Variants in MARCHF1 observed in about 807,000 individuals in gnomAD.
The protein encoded by MARCHF1 is E3 ubiquitin-protein ligase MARCHF1.
Under a neutral mutation model 54.2 loss-of-function variants are expected in MARCHF1, and 40 were observed. The observed-to-expected ratio is 0.74, with a 90% confidence interval of 0.57 to 0.96. MARCHF1 has a LOEUF of 0.96. Among genes scored for constraint, MARCHF1 ranks in the 40% least tolerant of loss-of-function variants. The pLI is 0.00. For missense variants in MARCHF1, 586 were observed against 656.5 expected, an observed-to-expected ratio of 0.89 and a Z score of 1.17; for synonymous variants, 236 against 236.3, an observed-to-expected ratio of 1.00 and a Z score of 0.01.
intron 3 of MARCHF1, among the ~76,000 whole-genome samples, chr4:163,869,913 T>G (rs1027986863): frequency 6.6e-6 from 1 of 152,110 alleles, no homozygotes; most frequent in Non-Finnish European, 1.5e-5. Context: ...TGAGTCAACA[T>G]GTGAGTGGAT....
At chr4:164,099,766 TTC>T (rs1755498195) in intron 2 of MARCHF1, among the ~76,000 whole-genome samples, 2 of 152,202 alleles carry the variant, frequency 1.3e-5, no homozygotes, top group Admixed American at 1.3e-4. Flanking sequence ...GTTAATATTG[TTC>T]TCTGAGGTCA....
At chr4:163,751,796 A>C (rs34162806) in intron 4 of MARCHF1, among the ~76,000 whole-genome samples, 47,622 of 146,482 alleles carry the variant, frequency 0.33, 9,080 homozygotes, top group Non-Finnish European at 0.44. Flanking sequence ...ATCCCAACAC[A>C]CATGTGCACG....
intron 5 of MARCHF1, among the ~76,000 whole-genome samples, chr4:163,662,798 GA>G (rs999240953): frequency 4.2e-4 from 62 of 146,270 alleles, no homozygotes; most frequent in East Asian, 4.2e-3. Context: ...AGTTCACTGA[GA>G]AAAAAAAAAA....
At chr4:163,797,832 C>A (rs974401646) in intron 4 of MARCHF1, among the ~76,000 whole-genome samples, 3 of 152,146 alleles carry the variant, frequency 2.0e-5, no homozygotes, top group African/African-American at 7.2e-5. Flanking sequence ...ATAATTTCAA[C>A]ATTAAGTATT....
intron 1 of MARCHF1, among the ~76,000 whole-genome samples, chr4:164,309,000 C>T (rs1432100036): frequency 2.0e-5 from 3 of 150,394 alleles, no homozygotes; most frequent in Non-Finnish European, 4.4e-5. Flanking sequence ...GAGGATATAG[C>T]TCAGGGTTAC....
chr4:163,782,905 G>T (rs551599819), intron 4 of MARCHF1, among the ~76,000 whole-genome samples: 1 of 152,114 alleles, frequency 6.6e-6, no homozygotes, highest in South Asian at 2.1e-4. Context: ...GAAATGAGGT[G>T]CAGAGTAGAT....
intron 3 of MARCHF1, among the ~76,000 whole-genome samples, chr4:163,895,645 A>G (rs1240006518): frequency 6.6e-6 from 1 of 152,134 alleles, no homozygotes; most frequent in South Asian, 2.1e-4. Flanking sequence ...TGCACCACAA[A>G]CTTAGCGAGG....
intron 1 of MARCHF1, among the ~76,000 whole-genome samples, chr4:164,274,642 G>A (rs1248349333): frequency 7.9e-6 from 1 of 126,258 alleles, no homozygotes; most frequent in East Asian, 2.3e-4. Flanking sequence ...GTCGCTTGAT[G>A]TGTGCTTCAG....
chr4:163,761,427 C>G (rs935263615), intron 4 of MARCHF1, among the ~76,000 whole-genome samples: 3 of 152,302 alleles, frequency 2.0e-5, no homozygotes, highest in African/African-American at 7.2e-5. Context: ...TATCTGTGAC[C>G]TTGAAGGCAT....
chr4:164,348,666 A>G (rs1412565473), intron 1 of MARCHF1, among the ~76,000 whole-genome samples: 2 of 152,214 alleles, frequency 1.3e-5, no homozygotes. Flanking sequence ...AACTATGGAC[A>G]GAGAATGAAT....
intron 3 of MARCHF1, among the ~76,000 whole-genome samples, chr4:163,921,533 A>G (rs1481978095): frequency 6.6e-6 from 1 of 152,202 alleles, no homozygotes; most frequent in Non-Finnish European, 1.5e-5. Context: ...CAAAACTTGA[A>G]GAGAGTACAG....
intron 8 of MARCHF1, among the ~76,000 whole-genome samples, chr4:163,553,680 T>C (rs1739191256): frequency 6.6e-6 from 1 of 152,206 alleles, no homozygotes; most frequent in Non-Finnish European, 1.5e-5. Context: ...TTCAAAATGG[T>C]ATCTTAAGGT....
chr4:164,262,077 C>T (rs1244661308), intron 1 of MARCHF1, among the ~76,000 whole-genome samples: 2 of 149,132 alleles, frequency 1.3e-5, no homozygotes, highest in Non-Finnish European at 1.5e-5. Flanking sequence ...TGCACTCTAG[C>T]CTGGGTGACA....
intron 5 of MARCHF1, among the ~76,000 whole-genome samples, chr4:163,646,122 A>G (rs1742750776): frequency 6.7e-6 from 1 of 149,614 alleles, no homozygotes; most frequent in African/African-American, 2.6e-5. Context: ...CTTGAAAGCA[A>G]AAAGAGATAA....
At chr4:163,536,356 A>G (rs1738528415) in intron 9 of MARCHF1, among the ~76,000 whole-genome samples, 1 of 151,998 alleles carries the variant, frequency 6.6e-6, no homozygotes, top group African/African-American at 2.4e-5. Flanking sequence ...TTTGTCTCCG[A>G]TCTTTTTTCT....
At chr4:163,785,006 A>G (rs1366687984) in intron 4 of MARCHF1, among the ~76,000 whole-genome samples, 1 of 152,142 alleles carries the variant, frequency 6.6e-6, no homozygotes, top group East Asian at 1.9e-4. Flanking sequence ...TTCTCAACCG[A>G]TATTCTTTTG....
chr4:164,216,099 C>A (rs1435129793), intron 1 of MARCHF1, among the ~76,000 whole-genome samples: 2 of 152,120 alleles, frequency 1.3e-5, no homozygotes, highest in African/African-American at 4.8e-5. Flanking sequence ...ATAGAACAAA[C>A]CTAAACTGCA....
intron 2 of MARCHF1, among the ~76,000 whole-genome samples, chr4:164,001,533 A>T (rs4487298): frequency 0.98 from 148,395 of 151,932 alleles, 72,569 homozygotes; most frequent in East Asian, 1. Flanking sequence ...ACTAGACAAA[A>T]TATATGAAAC....
chr4:164,228,829 C>T (rs936128523), intron 1 of MARCHF1, among the ~76,000 whole-genome samples: 1 of 152,072 alleles, frequency 6.6e-6, no homozygotes, highest in Non-Finnish European at 1.5e-5. Context: ...GGACCAAATC[C>T]TAGTCTTAAT....
Sources: gnomAD v4.1 joint callset for allele counts (sites outside exome capture counted in the v4.1 genomes callset) on GRCh38, gnomAD v4.1.1 for gene constraint, MANE v1.5 for transcripts, NCBI Gene and HGNC (gene_info 2026-07-23, HGNC 2026-07-21) for gene names.